ZBTB20: variants seen among roughly 807,000 people sequenced by gnomAD.
ZBTB20 encodes the protein zinc finger and BTB domain-containing protein 20.
ZBTB20 carries 9 observed loss-of-function variants against 56.9 expected under a neutral mutation model. The observed-to-expected ratio is 0.16, with a 90% CI of 0.10 to 0.28. ZBTB20 has a LOEUF of 0.28. Ranked by LOEUF, ZBTB20 falls within the 10% of genes least tolerant of loss-of-function variation. The pLI is 1.00. For missense variants in ZBTB20, 655 were observed against 1,003.0 expected (o/e 0.65, Z 4.69); for synonymous variants, 417 against 420.7 (o/e 0.99, Z 0.11).
At chr3:114,798,722 T>C (rs2071506909) in intron 5 of ZBTB20, among the ~76,000 whole-genome samples, 1 of 152,008 alleles carries the variant, frequency 6.6e-6, no homozygotes, top group Admixed American at 6.6e-5. Context: ...GCTCTGCCCT[T>C]ACATTTGCCT....
At position 114,511,200 on chromosome 3, in the gene ZBTB20, T is replaced by C. The variant is rs1245405383; in HGVS notation, c.-294-10809A>G. Among the ~76,000 whole-genome samples, 3 of 151,832 alleles carry C rather than the reference T, an allele frequency of 2.0e-5. No individual in the cohort carries two copies. The East Asian group carries it at 5.8e-4, about 29-fold the overall frequency. On this transcript the variant is annotated intron_variant, in intron 6 of 11. Transcript: ENST00000675478. ...AAATATAATTATCTTATGCAGTAAA[T>C]GTAAGGCTCTGCTAAGAATCTCATT...
At chr3:114,473,058 C>T (rs2040325253) in intron 7 of ZBTB20, among the ~76,000 whole-genome samples, 1 of 152,184 alleles carries the variant, frequency 6.6e-6, no homozygotes, top group African/African-American at 2.4e-5. Flanking sequence ...ACAAGGACTG[C>T]GTGCCTCAAC....
intron 2 of ZBTB20, among the ~76,000 whole-genome samples, chr3:115,055,365 C>T (rs1446328722): frequency 6.6e-6 from 1 of 152,076 alleles, no homozygotes; most frequent in African/African-American, 2.4e-5. Context: ...ACAGATTATT[C>T]TTTAGATGAC....
intron 5 of ZBTB20, among the ~76,000 whole-genome samples, chr3:114,698,469 C>T (rs1041536646): frequency 6.6e-6 from 1 of 152,012 alleles, no homozygotes; most frequent in Non-Finnish European, 1.5e-5. Context: ...TCAGTGCTTC[C>T]CATGCCATAT....
chr3:114,666,319 AAC>A (rs1164680093), intron 6 of ZBTB20, among the ~76,000 whole-genome samples: 2 of 152,030 alleles, frequency 1.3e-5, no homozygotes. Flanking sequence ...TTTACAAGTT[AAC>A]AGTGGTTCAC....
intron 7 of ZBTB20, among the ~76,000 whole-genome samples, chr3:114,416,985 G>T (rs536894056): frequency 1.3e-5 from 2 of 152,024 alleles, no homozygotes; most frequent in Non-Finnish European, 1.5e-5. Flanking sequence ...GAACCAAATG[G>T]TGGTGGAAAA....
At chr3:114,796,717 G>A (rs1198381433) in intron 5 of ZBTB20, among the ~76,000 whole-genome samples, 1 of 151,918 alleles carries the variant, frequency 6.6e-6, no homozygotes, top group African/African-American at 2.4e-5. Context: ...GAGAATTGGA[G>A]TTAGAGAAGC....
chr3:114,452,292 T>G (rs993040669), intron 7 of ZBTB20, among the ~76,000 whole-genome samples: 5 of 152,096 alleles, frequency 3.3e-5, no homozygotes, highest in Non-Finnish European at 7.4e-5. Context: ...TTAAGCACTA[T>G]TAAAAGCATT....
chr3:114,487,029 C>T (rs1577044448), intron 7 of ZBTB20, among the ~76,000 whole-genome samples: 1 of 152,132 alleles, frequency 6.6e-6, no homozygotes, highest in East Asian at 1.9e-4. Flanking sequence ...GTACAAGATG[C>T]CTCTGCAAGT....
At chr3:114,384,598 A>C (rs2084859523) in intron 8 of ZBTB20, among the ~76,000 whole-genome samples, 1 of 152,176 alleles carries the variant, frequency 6.6e-6, no homozygotes, top group Non-Finnish European at 1.5e-5. Flanking sequence ...CACTGCAAAC[A>C]TTTCTGTTAT....
intron 10 of ZBTB20, among the ~76,000 whole-genome samples, chr3:114,372,042 A>C (rs141151460): frequency 0.016 from 2,409 of 152,332 alleles, 46 homozygotes; most frequent in Middle Eastern, 0.031. Context: ...AGAAGTCCTT[A>C]AAGAATCCTC....
At chr3:114,473,664 T>TC (rs1244760934) in intron 7 of ZBTB20, among the ~76,000 whole-genome samples, 1 of 152,094 alleles carries the variant, frequency 6.6e-6, no homozygotes, top group Non-Finnish European at 1.5e-5. Context: ...GACCCCTGTC[T>TC]CTAAAAAATA....
At chr3:114,690,683 AT>A (rs1321210157) in intron 6 of ZBTB20, among the ~76,000 whole-genome samples, 1 of 152,170 alleles carries the variant, frequency 6.6e-6, no homozygotes, top group Non-Finnish European at 1.5e-5. Flanking sequence ...TTGTTTAAAA[AT>A]GATTCAGATT....
At position 114,338,736 on chromosome 3, in the gene ZBTB20, A is replaced by G. The variant is rs572196220; in HGVS notation, c.*269T>C. The G allele has an allele frequency of 6.2e-6, 2 of 321,684 alleles. No individual in the cohort carries two copies. The highest frequency in any genetic ancestry group is 5.0e-5 in the East Asian group (1 of 20,074). The allele number at this position is 321,684 out of a possible 1,614,324, so 19.9% of individuals were successfully genotyped here. A position where few individuals can be genotyped will look rare whatever the true frequency, so the allele number is the denominator to read the frequency against. On this transcript the variant is annotated 3_prime_UTR_variant, in exon 12 of 12. Transcript: ENST00000675478. ...GAGGCCAGTAGCTAGAGATCCAACC[A>G]GTGGACCTCTTGAAGCACTACCAGG...
At chr3:115,091,216 G>A (rs912165030) in intron 1 of ZBTB20, among the ~76,000 whole-genome samples, 29 of 152,008 alleles carry the variant, frequency 1.9e-4, no homozygotes, top group African/African-American at 6.5e-4. Flanking sequence ...CTTTGCCTCA[G>A]TTTCCTCTTC....
intron 6 of ZBTB20, among the ~76,000 whole-genome samples, chr3:114,655,242 C>CTT (rs3085998): frequency 1.0e-3 from 94 of 91,650 alleles, no homozygotes; most frequent in East Asian, 1.3e-3. Flanking sequence ...TTTTCCTTTC[C>CTT]TTTTTTTTTT....
intron 2 of ZBTB20, among the ~76,000 whole-genome samples, chr3:114,987,544 T>C (rs577474223): frequency 6.6e-6 from 1 of 152,310 alleles, no homozygotes; most frequent in Admixed American, 6.5e-5. Flanking sequence ...CACATTTCAC[T>C]TGTGAGGTTT....
intron 6 of ZBTB20, among the ~76,000 whole-genome samples, chr3:114,573,110 T>C (rs147468057): frequency 2.6e-5 from 4 of 152,282 alleles, no homozygotes; most frequent in Non-Finnish European, 5.9e-5. Flanking sequence ...CCCATATACA[T>C]GTAAATGTGC....
chr3:114,787,360 T>TACACACACACACAC (rs1354282995), intron 5 of ZBTB20, among the ~76,000 whole-genome samples: 2 of 96,186 alleles, frequency 2.1e-5, no homozygotes, highest in African/African-American at 4.5e-5. Flanking sequence ...TATATATATA[T>TACACACACACACAC]ATATATATAC....
Sources: allele counts gnomAD v4.1 joint callset (sites outside exome capture counted in the v4.1 genomes callset), GRCh38; gene constraint gnomAD v4.1.1; transcripts MANE v1.5; gene names NCBI Gene and HGNC (gene_info 2026-07-23, HGNC 2026-07-21).